NOX4: variants seen among roughly 807,000 people sequenced by gnomAD.
The protein encoded by NOX4 is NADPH oxidase 4.
In NOX4, 69 loss-of-function variants were observed where a neutral mutation model predicts 87.6. The ratio of observed to expected loss-of-function variants is 0.79; its 90% CI spans 0.65 to 0.96. The LOEUF (loss-of-function observed/expected upper bound fraction) is 0.96, where lower values mean the gene tolerates loss of function less well. Ranked by LOEUF, NOX4 falls within the 40% of genes least tolerant of loss-of-function variation. The pLI is 0.00. For synonymous variants in NOX4, 275 were observed against 238.2 expected (o/e 1.15, Z -1.42); for missense variants, 680 against 681.5 (o/e 1.00, Z 0.02).
At chr11:89,470,681 T>C (rs1221097846) in intron 2 of NOX4, among the ~76,000 whole-genome samples, 2 of 152,180 alleles carry the variant, frequency 1.3e-5, no homozygotes, top group African/African-American at 4.8e-5. Context: ...TCAAAGCCAC[T>C]ATAGCTTTTC....
At chr11:89,486,235 G>A (rs1178087913) in intron 2 of NOX4, among the ~76,000 whole-genome samples, 1 of 131,020 alleles carries the variant, frequency 7.6e-6, no homozygotes, top group African/African-American at 2.6e-5. Flanking sequence ...AAGTCAGGGA[G>A]ATTTTTATAG....
intron 11 of NOX4, among the ~76,000 whole-genome samples, chr11:89,394,069 A>G (rs1418558993): frequency 6.7e-6 from 1 of 149,392 alleles, no homozygotes; most frequent in Non-Finnish European, 1.5e-5. Flanking sequence ...AGGCCATAGA[A>G]GGGACTTACT....
intron 7 of NOX4, among the ~76,000 whole-genome samples, chr11:89,430,393 A>G (rs891257504): frequency 2.6e-5 from 4 of 152,214 alleles, no homozygotes; most frequent in South Asian, 2.1e-4. Flanking sequence ...ATATTCAATT[A>G]GGAAAAAAGG....
intron 2 of NOX4, among the ~76,000 whole-genome samples, chr11:89,469,723 A>G (rs1000512640): frequency 3.3e-5 from 5 of 152,146 alleles, no homozygotes; most frequent in Admixed American, 3.3e-4. Flanking sequence ...CACCTTGCCT[A>G]ATGCTCTTTC....
At position 89,384,512 on chromosome 11, in the gene NOX4, A is replaced by G. The variant is rs181588479; in HGVS notation, c.1075-11020T>C. ...CCCCAACCACTTCTACAAAACAACA[A>G]CTCCTTTCCTTCCTAGGCATGGTTG... On this transcript the variant is annotated intron_variant, in intron 11 of 17. Transcript: ENST00000263317. Among the ~76,000 whole-genome samples the G allele has an allele frequency of 2.0e-5, 3 of 151,618 alleles. 1 individual carries two copies. The highest frequency in any genetic ancestry group is 1.9e-4 in the East Asian group (1 of 5,144).
At chr11:89,329,679 T>C in intron 17 of NOX4, among the ~76,000 whole-genome samples, 1 of 152,088 alleles carries the variant, frequency 6.6e-6, no homozygotes, top group East Asian at 1.9e-4. Flanking sequence ...GTGAACTTTT[T>C]GTCATAAACT....
intron 7 of NOX4, among the ~76,000 whole-genome samples, chr11:89,422,988 T>C (rs746267649): frequency 4.6e-5 from 7 of 151,782 alleles, no homozygotes; most frequent in Non-Finnish European, 8.8e-5. Flanking sequence ...TTGGTAGAGA[T>C]GGGGTTTCAC....
chr11:89,428,657 A>G (rs1591212226), intron 7 of NOX4, among the ~76,000 whole-genome samples: 1 of 152,182 alleles, frequency 6.6e-6, no homozygotes, highest in African/African-American at 2.4e-5. Flanking sequence ...TTCAACAAGA[A>G]GAGCTAACTA....
chr11:89,467,422 C>G (rs1945752895), intron 2 of NOX4, among the ~76,000 whole-genome samples: 1 of 150,308 alleles, frequency 6.7e-6, no homozygotes, highest in South Asian at 2.1e-4. Flanking sequence ...CAGAGCATCT[C>G]TCTCAGTCTG....
chr11:89,408,169 T>A (rs1172361287), intron 8 of NOX4, among the ~76,000 whole-genome samples: 1 of 152,156 alleles, frequency 6.6e-6, no homozygotes, highest in African/African-American at 2.4e-5. Flanking sequence ...CAAGGGTTTA[T>A]CCTGCTCCAC....
intron 13 of NOX4, among the ~76,000 whole-genome samples, chr11:89,344,086 T>G (rs1178939946): frequency 6.6e-6 from 1 of 150,714 alleles, no homozygotes; most frequent in Non-Finnish European, 1.5e-5. Context: ...CTGAACATAG[T>G]AAGAACCTGA....
rs761636851 is a variant in NOX4, at chr11:89,400,055, C to T, written c.1036G>A (p.Val346Ile). The T allele has an allele frequency of 6.5e-5, 105 of 1,608,402 alleles. No individual in the cohort carries two copies. The highest frequency in any genetic ancestry group is 7.8e-5 in the Non-Finnish European group (92 of 1,176,064). The change falls in exon 11 of 18, where the codon GTA becomes ATA. Residue 346 changes from valine (V) to isoleucine (I), a missense_variant. Val to Ile is a conservative substitution (Grantham distance 29). Coordinates refer to ENST00000263317, the MANE Select transcript of NOX4 (RefSeq NM_016931.5). ...GQYITLHCPS[V>I]SALENHPFTL... ...AATGGATGATTTTCTAATGCAGATA[C>T]ACTGGGACAATGTAGAGTAATATAC...
At chr11:89,564,763 T>G in the NOX4 span, among the ~76,000 whole-genome samples, 1 of 151,746 alleles carries the variant, frequency 6.6e-6, no homozygotes. Flanking sequence ...TGTTTTTTTT[T>G]TAATAGTTTC....
At chr11:89,507,894 TAA>T in the NOX4 span, among the ~76,000 whole-genome samples, 1 of 151,604 alleles carries the variant, frequency 6.6e-6, no homozygotes, top group Admixed American at 6.6e-5. Flanking sequence ...AAGTTTCATT[TAA>T]AGGTCAAAGC....
intron 6 of NOX4, among the ~76,000 whole-genome samples, chr11:89,434,851 C>T (rs1943998194): frequency 6.6e-6 from 1 of 151,838 alleles, no homozygotes; most frequent in African/African-American, 2.4e-5. Flanking sequence ...ATAAAAGAAG[C>T]TAAACCACTC....
chr11:89,330,480 C>T lies in NOX4; in HGVS notation c.1617-3604G>A, dbSNP rs1308350833. Among the ~76,000 whole-genome samples the T allele has an allele frequency of 3.9e-5, 6 of 151,900 alleles. No individual in the cohort carries two copies. In the South Asian group the frequency reaches 1.2e-3, roughly 31 times the overall value. On this transcript the variant is annotated intron_variant, in intron 17 of 17. Coordinates refer to ENST00000263317, the MANE Select transcript of NOX4 (RefSeq NM_016931.5). Reference sequence around the variant, plus strand: ...GAATCATTTTAGAGACTTCATAGAACACAAATAGCTAGGTCTCCCCATCCC... The same window carrying T: ...GAATCATTTTAGAGACTTCATAGAATACAAATAGCTAGGTCTCCCCATCCC...
the NOX4 span, among the ~76,000 whole-genome samples, chr11:89,532,143 T>G: frequency 1.3e-5 from 2 of 152,176 alleles, no homozygotes; most frequent in Non-Finnish European, 2.9e-5. Flanking sequence ...AAGTCCCCAC[T>G]GGGGCACTGC....
At chr11:89,327,129 T>C (rs542881457) in intron 17 of NOX4, among the ~76,000 whole-genome samples, 1 of 152,332 alleles carries the variant, frequency 6.6e-6, no homozygotes, top group East Asian at 1.9e-4. Flanking sequence ...ATGCTTATTA[T>C]CAGGTAGAGA....
chr11:89,492,187 G>A (rs1946876000), upstream of NOX4: 1 of 152,122 alleles, frequency 6.6e-6, no homozygotes, highest in African/African-American at 2.4e-5. Context: ...AGAGTGAGAA[G>A]TGTGTGGAGT....
Sources: gnomAD v4.1 joint callset for allele counts (sites outside exome capture counted in the v4.1 genomes callset) on GRCh38, gnomAD v4.1.1 for gene constraint, MANE v1.5 for transcripts, NCBI Gene and HGNC (gene_info 2026-07-23, HGNC 2026-07-21) for gene names.